The following PCLO variants were observed in gnomAD, a reference collection of about 807,000 sequenced individuals.
The protein encoded by PCLO is piccolo presynaptic cytomatrix protein, also known as protein piccolo.
Under a neutral mutation model 427.5 loss-of-function variants are expected in PCLO, and 82 were observed. That is an observed-to-expected ratio of 0.19 (90% CI 0.16 to 0.23). The LOEUF is 0.23. Ranked by LOEUF, PCLO falls within the 10% of genes least tolerant of loss-of-function variation. The probability of loss-of-function intolerance (pLI) is 1.00; values close to 1 mark genes in which losing one functional copy is unlikely to be tolerated. For synonymous variants in PCLO, 2,357 were observed against 2,155.4 expected (o/e 1.09, Z -2.59); for missense variants, 6,239 against 6,115.9 (o/e 1.02, Z -0.67).
intron 3 of PCLO, among the ~76,000 whole-genome samples, chr7:83,048,536 G>C (rs1178651174): frequency 1.3e-5 from 2 of 152,012 alleles, no homozygotes; most frequent in East Asian, 3.9e-4. Context: ...TCCTTGGAGA[G>C]ATCAGGCAAT....
chr7:83,021,085 G>A (rs1190880042), intron 3 of PCLO, among the ~76,000 whole-genome samples: 1 of 152,150 alleles, frequency 6.6e-6, no homozygotes, highest in African/African-American at 2.4e-5. Context: ...TCACCAAAGA[G>A]TGCAGTTTCC....
In PCLO at chr7:82,908,960, G is replaced by T; in HGVS notation, c.13354C>A (p.Arg4452Ser). The change falls in exon 8 of 25, where the codon CGT (arginine) becomes AGT (serine). Residue 4452 changes from arginine (R) to serine (S), a missense_variant. Physicochemically the swap from Arg to Ser is moderately radical, Grantham distance 110 (BLOSUM62 -1). Transcript: ENST00000333891. ...TCCAGACCATGTCCATTTTCCAAAC[G>T]AGACTCCCTGGGTTTATCAAACCAA... ...TDWFDKPRESRLENGHGLDRK... is the reference protein window; with the variant it reads ...TDWFDKPRESSLENGHGLDRK... 1 of 1,612,806 alleles carries T rather than the reference G, an allele frequency of 6.2e-7. No homozygotes were observed. The highest frequency in any genetic ancestry group is 8.5e-7 in the Non-Finnish European group (1 of 1,179,174).
At chr7:83,002,728 C>T (rs1787854721) in intron 3 of PCLO, among the ~76,000 whole-genome samples, 1 of 151,704 alleles carries the variant, frequency 6.6e-6, no homozygotes, top group Non-Finnish European at 1.5e-5. Context: ...TACAAATTTG[C>T]CTTTATTGAT....
In PCLO at chr7:83,162,400, C is replaced by G; in HGVS notation, c.193G>C (p.Gly65Arg). The G allele has an allele frequency of 6.3e-7, 1 of 1,598,970 alleles. No individual in the cohort carries two copies. The highest frequency in any genetic ancestry group is 8.5e-7 in the Non-Finnish European group (1 of 1,172,668). Residue 65 changes from glycine to arginine, a missense_variant, in exon 1 of 25, where the codon GGG (glycine) becomes CGG (arginine). Transcript: ENST00000333891. Reference protein sequence around the residue: ...QIAAVMSRAQGLPKGSVPPAA... With the variant: ...QIAAVMSRAQRLPKGSVPPAA... ...GGGGGGACGCTTCCCTTGGGCAGCC[C>G]CTGCGCCCTTGACATGACAGCGGCG...
intron 6 of PCLO, among the ~76,000 whole-genome samples, chr7:82,918,264 T>C (rs1794515111): frequency 6.6e-6 from 1 of 151,970 alleles, no homozygotes; most frequent in South Asian, 2.1e-4. Flanking sequence ...CTCAATTCTT[T>C]TCATTTTATA....
chr7:83,012,863 G>T (rs1029721318), intron 3 of PCLO, among the ~76,000 whole-genome samples: 3 of 152,024 alleles, frequency 2.0e-5, no homozygotes, highest in African/African-American at 7.2e-5. Context: ...TTTAGTTTTA[G>T]ATTAGTTTTG....
chr7:83,150,521 C>A (rs1283059919), intron 2 of PCLO, among the ~76,000 whole-genome samples: 1 of 152,076 alleles, frequency 6.6e-6, no homozygotes, highest in East Asian at 1.9e-4. Context: ...AGGGTTGGGT[C>A]GGGGAGTGAT....
rs1794474564 is a variant in PCLO, at chr7:82,916,689, A to G, written c.11297T>C (p.Ile3766Thr). 1 of 1,613,484 alleles carries G rather than the reference A, an allele frequency of 6.2e-7. No homozygotes were observed. Among genetic ancestry groups the G allele is most frequent in the African/African-American group, 1.3e-5 (1 of 74,894 alleles). ...TMARAKILQD[I>T]DRELDLVERE... ...TTCCACAAGATCAAGCTCTCTGTCT[A>G]TGTCCTGGAGAATCTTGGCTCGTGC... Residue 3766 changes from isoleucine (I) to threonine (T), a missense_variant, in exon 7 of 25, where the codon ATA (isoleucine) becomes ACA (threonine). Physicochemically the swap from Ile to Thr is moderately conservative, Grantham distance 89 (BLOSUM62 -1). Around this residue, in one of 5 missense-constraint regions of PCLO, gnomAD observed 4,677 missense variants for 4,468.4 expected, o/e 1.05. Transcript: ENST00000333891.
At chr7:82,820,614 C>T in intron 20 of PCLO, 3 of 1,229,738 alleles carry the variant, frequency 2.4e-6, no homozygotes, top group Non-Finnish European at 3.0e-6. Flanking sequence ...AGAACTTTCA[C>T]CATGTAAAGG....
At chr7:82,769,280 G>A (rs996172201) in intron 22 of PCLO, among the ~76,000 whole-genome samples, 2 of 152,072 alleles carry the variant, frequency 1.3e-5, no homozygotes, top group Admixed American at 6.6e-5. Context: ...TTTAAACAAC[G>A]GAAGATGTCT....
chr7:82,765,215 A>G (rs566513852), intron 22 of PCLO, among the ~76,000 whole-genome samples: 7 of 152,044 alleles, frequency 4.6e-5, no homozygotes, highest in African/African-American at 1.7e-4. Flanking sequence ...AAATGATCAC[A>G]TGAAAATAAA....
chr7:83,094,988 T>C (rs1790496277), intron 3 of PCLO, among the ~76,000 whole-genome samples: 1 of 152,156 alleles, frequency 6.6e-6, no homozygotes, highest in South Asian at 2.1e-4. Context: ...ACAAATGAAA[T>C]TGGGAAATGC....
At chr7:82,992,327 C>G (rs1362889189) in intron 3 of PCLO, among the ~76,000 whole-genome samples, 1 of 152,048 alleles carries the variant, frequency 6.6e-6, no homozygotes, top group Non-Finnish European at 1.5e-5. Context: ...AATGAGTACC[C>G]TCTCTGTGCC....
intron 3 of PCLO, among the ~76,000 whole-genome samples, chr7:83,070,633 C>T (rs530516576): frequency 6.6e-6 from 1 of 152,240 alleles, no homozygotes; most frequent in African/African-American, 2.4e-5. Context: ...GTGATCCGCC[C>T]GCCTCGGCCT....
At chr7:82,837,081 A>C (rs1469355825) in intron 15 of PCLO, among the ~76,000 whole-genome samples, 1 of 152,112 alleles carries the variant, frequency 6.6e-6, no homozygotes, top group African/African-American at 2.4e-5. Flanking sequence ...AATTATTTGA[A>C]AAATTTAAAA....
chr7:83,127,379 T>A (rs1791463452), intron 3 of PCLO, among the ~76,000 whole-genome samples: 1 of 152,080 alleles, frequency 6.6e-6, no homozygotes, highest in Non-Finnish European at 1.5e-5. Context: ...CACATGTCAG[T>A]CACTATGTGT....
At chr7:83,133,258 A>G in intron 3 of PCLO, among the ~76,000 whole-genome samples, 1 of 152,106 alleles carries the variant, frequency 6.6e-6, no homozygotes, top group South Asian at 2.1e-4. Flanking sequence ...TTTTCATCAT[A>G]ATGAATAACA....
chr7:82,780,017 A>G (rs1331469646), intron 22 of PCLO, among the ~76,000 whole-genome samples: 1 of 152,174 alleles, frequency 6.6e-6, no homozygotes, highest in Non-Finnish European at 1.5e-5. Flanking sequence ...TTGTTCTACA[A>G]TAGAAATTAC....
intron 8 of PCLO, among the ~76,000 whole-genome samples, chr7:82,907,123 C>T (rs546098486): frequency 9.9e-5 from 15 of 151,886 alleles, no homozygotes; most frequent in South Asian, 2.1e-4. Context: ...TTGGGCTGGA[C>T]GCATTACTTT....
Sources: gnomAD v4.1 joint callset for allele counts (sites outside exome capture counted in the v4.1 genomes callset) on GRCh38, gnomAD v4.1.1 for gene constraint, gnomAD v4.1.1 regional missense constraint, MANE v1.5 for transcripts, NCBI Gene and HGNC (gene_info 2026-07-23, HGNC 2026-07-21) for gene names.